The following CRTC1 variants were observed in gnomAD, a reference collection of about 807,000 sequenced individuals.
CRTC1 encodes CREB-regulated transcription coactivator 1.
Under a neutral mutation model 66.1 loss-of-function variants are expected in CRTC1, and 18 were observed. That is an observed-to-expected ratio of 0.27 (90% CI 0.19 to 0.40). The LOEUF (loss-of-function observed/expected upper bound fraction) is 0.40. Ranked by LOEUF, CRTC1 falls within the 10% of genes least tolerant of loss-of-function variation. The pLI, the probability that CRTC1 is intolerant of heterozygous loss-of-function variation, is 1.00. For synonymous variants in CRTC1, 416 were observed against 398.8 expected (o/e 1.04, Z -0.51); for missense variants, 669 against 887.9 (o/e 0.75, Z 3.13).
At chr19:18,692,965 C>T (rs1600752878) in intron 1 of CRTC1, among the ~76,000 whole-genome samples, 1 of 150,092 alleles carries the variant, frequency 6.7e-6, no homozygotes, top group South Asian at 2.1e-4. Flanking sequence ...GTCCCAGCTA[C>T]TCGGGAGGCT....
chr19:18,753,560 C>A lies in CRTC1; in HGVS notation c.599C>A (p.Ser200Tyr). 1 of 1,612,836 alleles carries A rather than the reference C, an allele frequency of 6.2e-7. No homozygotes were observed. Among genetic ancestry groups the A allele is most frequent in the South Asian group, 1.1e-5 (1 of 90,920 alleles). Residue 200 changes from serine (S) to tyrosine (Y), a missense_variant, in exon 6 of 14, where the codon TCC (serine) becomes TAC (tyrosine). This residue lies in a region of CRTC1 where 214 missense variants were observed against 323.4 expected (regional missense o/e 0.66). Coordinates refer to ENST00000321949, the MANE Select transcript of CRTC1 (RefSeq NM_015321.3). ...ACATCAGAGGCAGACAAAAACCTTTCCAAGCAAGCATGGGACACCAAGAAG... is the reference window on the plus strand; with the variant it reads ...ACATCAGAGGCAGACAAAAACCTTTACAAGCAAGCATGGGACACCAAGAAG... ...ETTSEADKNL[S>Y]KQAWDTKKTG...
chr19:18,757,342 G>C (rs1436478900), intron 6 of CRTC1, among the ~76,000 whole-genome samples: 1 of 152,122 alleles, frequency 6.6e-6, no homozygotes, highest in Non-Finnish European at 1.5e-5. Context: ...GCTGGTGTTA[G>C]TGCCCCCAAC....
At chr19:18,692,043 A>AT (rs1482062981) in intron 1 of CRTC1, among the ~76,000 whole-genome samples, 1 of 151,964 alleles carries the variant, frequency 6.6e-6, no homozygotes, top group Non-Finnish European at 1.5e-5. Context: ...GACACAATCC[A>AT]TACCCGAACA....
intron 1 of CRTC1, among the ~76,000 whole-genome samples, chr19:18,713,806 C>T (rs563546507): frequency 1.3e-4 from 20 of 152,244 alleles, no homozygotes; most frequent in Non-Finnish European, 2.5e-4. Flanking sequence ...CAGCTGCACG[C>T]GCGGGGAGGA....
intron 1 of CRTC1, among the ~76,000 whole-genome samples, chr19:18,742,050 G>A (rs1265658875): frequency 1.3e-5 from 2 of 152,140 alleles, no homozygotes; most frequent in African/African-American, 2.4e-5. Context: ...TCTCCTCACG[G>A]TGGCTGCCTC....
At chr19:18,726,379 C>G (rs777282970) in intron 1 of CRTC1, among the ~76,000 whole-genome samples, 15 of 152,356 alleles carry the variant, frequency 9.8e-5, no homozygotes, top group Non-Finnish European at 1.6e-4. Context: ...CAGAGGAGCC[C>G]TCAGGCGGCC....
Position 18,760,028 on chromosome 19 carries a change from A to G in CRTC1, c.686A>G (p.Gln229Arg). 1 of 1,548,302 alleles carries G rather than the reference A, an allele frequency of 6.5e-7. No homozygotes were observed. Among genetic ancestry groups the G allele is most frequent in the Non-Finnish European group, 8.8e-7 (1 of 1,136,300 alleles). Residue 229 changes from glutamine (Q) to arginine (R), a missense_variant, in exon 8 of 14, where the codon CAG becomes CGG. Around this residue, in one of 8 missense-constraint regions of CRTC1, gnomAD observed 214 missense variants for 323.4 expected, o/e 0.66. Coordinates refer to ENST00000321949, the MANE Select transcript of CRTC1 (RefSeq NM_015321.3). The surrounding 1 kb of genome is among the most constrained non-coding windows in gnomAD (Gnocchi z 6.2). ...CCCAGCATCTTCCCGTCTGCCGACC[A>G]GGAAAACACTACAGCCCTGATCCCC... ...PGINIFPSADQENTTALIPAT... is the reference protein window; with the variant it reads ...PGINIFPSADRENTTALIPAT...
intron 1 of CRTC1, among the ~76,000 whole-genome samples, chr19:18,735,873 G>A (rs536080049): frequency 1.3e-5 from 2 of 152,356 alleles, no homozygotes; most frequent in East Asian, 3.9e-4. Context: ...CCCGCTCTGG[G>A]CTGTGGGCTC....
chr19:18,761,273 G>C (rs1170388155), intron 8 of CRTC1, among the ~76,000 whole-genome samples: 1 of 152,190 alleles, frequency 6.6e-6, no homozygotes, highest in African/African-American at 2.4e-5. Context: ...TGTTGCCTGC[G>C]TCCCCATTGG....
chr19:18,762,436 C>T lies in CRTC1; in HGVS notation c.886+2208C>T, dbSNP rs537157292. 1.7e-3 allele frequency among the ~76,000 whole-genome samples: 254 copies of T among 152,328 alleles called. 2 individuals are homozygous for T. Among genetic ancestry groups the T allele is most frequent in the African/African-American group, 5.5e-3 (230 of 41,564 alleles). On this transcript the variant is annotated intron_variant, in intron 8 of 13. Coordinates refer to ENST00000321949, the MANE Select transcript of CRTC1 (RefSeq NM_015321.3). ...CCGAGCTGCCGGCCCCTGGCACACACGAAGGTGGCCCCCTCCCTCCTCGCA... is the reference window on the plus strand; with the variant it reads ...CCGAGCTGCCGGCCCCTGGCACACATGAAGGTGGCCCCCTCCCTCCTCGCA...
intron 1 of CRTC1, among the ~76,000 whole-genome samples, chr19:18,702,017 G>A (rs772902623): frequency 4.8e-5 from 7 of 146,528 alleles, no homozygotes; most frequent in East Asian, 2.1e-4. Flanking sequence ...TCCTCCTCCC[G>A]GGTTCAAGCA....
intron 1 of CRTC1, among the ~76,000 whole-genome samples, chr19:18,730,784 T>G (rs1287519257): frequency 6.6e-6 from 1 of 152,168 alleles, no homozygotes; most frequent in Non-Finnish European, 1.5e-5. Flanking sequence ...GTGTCCCCCT[T>G]GGTCCCCCTA....
At chr19:18,746,099 G>A (rs1428444745) in intron 3 of CRTC1, 139 bp downstream of exon 3, 1 of 1,245,996 alleles carries the variant, frequency 8.0e-7, no homozygotes, top group Admixed American at 2.9e-5. Context: ...CATCTGGGAG[G>A]CTTGATCTCA....
At chr19:18,758,414 T>A (rs1481187186) in intron 6 of CRTC1, among the ~76,000 whole-genome samples, 1 of 150,928 alleles carries the variant, frequency 6.6e-6, no homozygotes, top group Non-Finnish European at 1.5e-5. Context: ...CCCGAGACCC[T>A]GAACTTCAAA....
At chr19:18,770,987 T>G (rs1170129533) in intron 10 of CRTC1, among the ~76,000 whole-genome samples, 3 of 152,016 alleles carry the variant, frequency 2.0e-5, no homozygotes, top group Non-Finnish European at 4.4e-5. Flanking sequence ...TGTGTGGGTG[T>G]GCATGCATGG....
At chr19:18,726,929 GAAAAAAAAAAAAA>G (rs57708407) in intron 1 of CRTC1, among the ~76,000 whole-genome samples, 3 of 111,908 alleles carry the variant, frequency 2.7e-5, no homozygotes, top group South Asian at 3.0e-4. Context: ...CCGTCTTGGG[GAAAAAAAAAAAAA>G]AAAAAAAAAA....
intron 1 of CRTC1, among the ~76,000 whole-genome samples, chr19:18,698,322 G>A (rs529152989): frequency 6.6e-6 from 1 of 151,682 alleles, no homozygotes; most frequent in South Asian, 2.1e-4. Flanking sequence ...CAGGCACAGT[G>A]TGTACTCAGC....
chr19:18,732,274 G>A (rs144769805), intron 1 of CRTC1, among the ~76,000 whole-genome samples: 1 of 152,200 alleles, frequency 6.6e-6, no homozygotes, highest in Non-Finnish European at 1.5e-5. Flanking sequence ...AGCCATAAAG[G>A]GGGGGTCCCG....
intron 6 of CRTC1, among the ~76,000 whole-genome samples, chr19:18,755,617 T>C (rs1240552634): frequency 7.3e-6 from 1 of 136,450 alleles, no homozygotes; most frequent in African/African-American, 2.8e-5. Flanking sequence ...TTTTTTTTTT[T>C]TCTGAGATGG....
Sources: allele counts gnomAD v4.1 joint callset (sites outside exome capture counted in the v4.1 genomes callset), GRCh38; gene constraint gnomAD v4.1.1; regional missense constraint gnomAD v4.1.1; non-coding constraint Gnocchi (gnomAD v3.1); transcripts MANE v1.5; gene names NCBI Gene and HGNC (gene_info 2026-07-23, HGNC 2026-07-21).